Variants in GRPR observed in about 807,000 individuals in gnomAD.
GRPR encodes gastrin releasing peptide receptor.
In GRPR, 4 loss-of-function variants were observed where a neutral mutation model predicts 15.6. The ratio of observed to expected loss-of-function variants is 0.26; its 90% CI spans 0.13 to 0.59. The LOEUF is 0.59. GRPR is among the 20% of genes least tolerant of loss of function. GRPR has a pLI of 0.90. For synonymous variants in GRPR, 128 were observed against 126.8 expected (o/e 1.01, Z -0.06); for missense variants, 270 against 304.1 (o/e 0.89, Z 0.83).
At chrX:16,139,801 G>A (rs192286045) in intron 1 of GRPR, among the ~76,000 whole-genome samples, 39 of 111,510 alleles carry the variant, frequency 3.5e-4, no homozygotes, top group African/African-American at 1.2e-3. Flanking sequence ...TAACCTCTCA[G>A]TGCCTTCGTT....
At chrX:16,132,139 G>C (rs1345463044) in intron 1 of GRPR, among the ~76,000 whole-genome samples, 1 of 112,201 alleles carries the variant, frequency 8.9e-6, no homozygotes, top group Non-Finnish European at 1.9e-5. Context: ...GAGGAATAAA[G>C]GAATTAATGA....
chrX:16,143,046 C>T (rs1922552954), intron 1 of GRPR, among the ~76,000 whole-genome samples: 1 of 110,211 alleles, frequency 9.1e-6, no homozygotes, highest in African/African-American at 3.3e-5. Context: ...AGTGATTCTG[C>T]TCTTTTCCTT....
chrX:16,133,143 T>A (rs1477352736), intron 1 of GRPR, among the ~76,000 whole-genome samples: 1 of 111,611 alleles, frequency 9.0e-6, no homozygotes, highest in East Asian at 2.8e-4. Flanking sequence ...GATATTTTAA[T>A]TATTCTATTT....
At chrX:16,141,233 G>A (rs1391257887) in intron 1 of GRPR, among the ~76,000 whole-genome samples, 1 of 111,963 alleles carries the variant, frequency 8.9e-6, no homozygotes, top group East Asian at 2.8e-4. Flanking sequence ...TACAGGATTA[G>A]CATTGAGCTT....
chrX:16,147,919 G>A (rs777058887), intron 1 of GRPR, among the ~76,000 whole-genome samples: 1 of 111,717 alleles, frequency 9.0e-6, no homozygotes, highest in East Asian at 2.8e-4. Context: ...ATGCATCTTT[G>A]GCTGAAGATG....
Position 16,123,862 on chromosome X carries a change from A to C in GRPR, c.-92A>C. The C allele has an allele frequency of 1.4e-6, 1 of 703,176 alleles. No homozygotes were observed. The highest frequency in any genetic ancestry group is 2.3e-6 in the Non-Finnish European group (1 of 442,390). 57.9% of individuals were successfully genotyped at this position (703,176 alleles called of 1,213,427 possible). A position where few individuals can be genotyped will look rare whatever the true frequency, so the allele number is the denominator to read the frequency against. On this transcript the variant is annotated 5_prime_UTR_variant, in exon 1 of 3. Transcript: ENST00000380289. The stretch of plus-strand genomic sequence containing the variant: ...TATTAAAGAAGGCAAAGAGCCCGGC[A>C]TAGATCTTATCTTCATCTTCACTCG...
At chrX:16,124,495 A>T (rs1447786543) in intron 1 of GRPR, 129 bp downstream of exon 1, 7 of 612,836 alleles carry the variant, frequency 1.1e-5, no homozygotes, top group Non-Finnish European at 1.9e-5. Context: ...CCTTCCAGGC[A>T]GGTTTTTATT....
rs16980263 is a variant in GRPR at position 16,123,701 on chromosome X, A to C, written c.-253A>C. 4,497 of 377,241 alleles carry C rather than the reference A, an allele frequency of 0.012. 169 individuals are homozygous for C. The highest frequency in any genetic ancestry group is 0.1 in the African/African-American group (4,030 of 39,119). 31.1% of individuals were successfully genotyped at this position (377,241 alleles called of 1,213,427 possible). ...TTAATTCTAAGCCTTTTTGTGGCTA[A>C]GTTTTGTTGTTGTTAACTTATTGAA... On this transcript the variant is annotated 5_prime_UTR_variant, in exon 1 of 3. An upstream open reading frame in the 5' UTR loses its in-frame stop. Coordinates refer to ENST00000380289, the MANE Select transcript of GRPR (RefSeq NM_005314.3).
At chrX:16,124,645 A>C (rs1323453348) in intron 1 of GRPR, among the ~76,000 whole-genome samples, 2 of 111,897 alleles carry the variant, frequency 1.8e-5, no homozygotes, top group Non-Finnish European at 3.8e-5. Flanking sequence ...TCTATTTAGC[A>C]TTGCCTTTTC....
At chrX:16,124,609 C>G (rs1350943919) in intron 1 of GRPR, among the ~76,000 whole-genome samples, 1 of 111,480 alleles carries the variant, frequency 9.0e-6, no homozygotes, top group African/African-American at 3.3e-5. Flanking sequence ...AAGCAGAAAA[C>G]TGAGGTGCCT....
intron 1 of GRPR, among the ~76,000 whole-genome samples, chrX:16,137,524 T>C (rs984763513): frequency 5.3e-5 from 6 of 112,335 alleles, no homozygotes; most frequent in Non-Finnish European, 9.4e-5. Flanking sequence ...AAGTGCTGCT[T>C]TCTCTAAGGT....
chrX:16,152,740 C>A lies in GRPR; in HGVS notation c.*95C>A. 1.3e-6 allele frequency: 1 copy of A among 792,968 alleles called. No homozygotes were observed. 65.3% of individuals were successfully genotyped at this position (792,968 alleles called of 1,213,427 possible). A position where few individuals can be genotyped will look rare whatever the true frequency, so the allele number is the denominator to read the frequency against. ...TGTTGTGTCTGTGCCCTCCAAAGAG[C>A]CTTCAGAATGCTCCTGAGTGGTGTA... is the stretch of plus-strand genomic sequence containing the variant. On this transcript the variant is annotated 3_prime_UTR_variant, in exon 3 of 3. Coordinates refer to ENST00000380289, the MANE Select transcript of GRPR (RefSeq NM_005314.3).
intron 1 of GRPR, among the ~76,000 whole-genome samples, chrX:16,125,702 T>A (rs1280282419): frequency 8.9e-6 from 1 of 112,115 alleles, no homozygotes; most frequent in Non-Finnish European, 1.9e-5. Flanking sequence ...ATTTTCAAAG[T>A]CTGAAAAGTA....
At chrX:16,136,089 T>C (rs1256132108) in intron 1 of GRPR, among the ~76,000 whole-genome samples, 1 of 111,984 alleles carries the variant, frequency 8.9e-6, no homozygotes, top group Non-Finnish European at 1.9e-5. Context: ...CATAAAAATC[T>C]CTGCTGACTT....
intron 1 of GRPR, among the ~76,000 whole-genome samples, chrX:16,144,712 A>C (rs190842177): frequency 8.9e-6 from 1 of 111,838 alleles, no homozygotes; most frequent in Admixed American, 9.5e-5. Flanking sequence ...AATGAAGCAC[A>C]GATGTTTTCA....
chrX:16,151,228 T>C (rs762588379), intron 2 of GRPR, among the ~76,000 whole-genome samples: 4 of 112,374 alleles, frequency 3.6e-5, no homozygotes, highest in African/African-American at 9.7e-5. Context: ...AGAGAGTATA[T>C]GTAAGGCCTA....
intron 1 of GRPR, among the ~76,000 whole-genome samples, chrX:16,127,266 A>G (rs1200192009): frequency 9.0e-6 from 1 of 110,969 alleles, no homozygotes; most frequent in Non-Finnish European, 1.9e-5. Flanking sequence ...TCCCCCCTTC[A>G]CCGGGTGAAT....
At chrX:16,125,254 G>A (rs764326419) in intron 1 of GRPR, among the ~76,000 whole-genome samples, 55 of 112,668 alleles carry the variant, frequency 4.9e-4, no homozygotes, top group Non-Finnish European at 3.9e-4. Context: ...GAATTAGCAA[G>A]TCAAGAAATA....
At chrX:16,144,268 T>C (rs1922572157) in intron 1 of GRPR, among the ~76,000 whole-genome samples, 1 of 111,904 alleles carries the variant, frequency 8.9e-6, no homozygotes, top group Non-Finnish European at 1.9e-5. Context: ...TCAGAAAAAT[T>C]CTTGGTGCTA....
Sources: allele counts gnomAD v4.1 joint callset (sites outside exome capture counted in the v4.1 genomes callset), GRCh38; gene constraint gnomAD v4.1.1; transcripts MANE v1.5; gene names NCBI Gene and HGNC (gene_info 2026-07-23, HGNC 2026-07-21).